MARK3: variants seen among roughly 807,000 people sequenced by gnomAD.
MARK3 encodes the protein microtubule affinity regulating kinase 3, also known as MAP/microtubule affinity-regulating kinase 3.
Under a neutral mutation model 90.1 loss-of-function variants are expected in MARK3, and 46 were observed. That is an observed-to-expected ratio of 0.51 (90% CI 0.40 to 0.65). MARK3 has a LOEUF of 0.65. MARK3 is among the 30% of genes least tolerant of loss of function. The probability of loss-of-function intolerance (pLI) is 0.00; values close to 1 mark genes in which losing one functional copy is unlikely to be tolerated. For synonymous variants in MARK3, 321 were observed against 332.6 expected, an observed-to-expected ratio of 0.97 and a Z score of 0.38; for missense variants, 818 against 947.2, an observed-to-expected ratio of 0.86 and a Z score of 1.79.
intron 12 of MARK3, among the ~76,000 whole-genome samples, chr14:103,470,472 T>TTTTTTTTTTTTTTTTTTTTA (rs1595836589): frequency 7.3e-6 from 1 of 137,232 alleles, no homozygotes; most frequent in African/African-American, 2.6e-5. Context: ...TTTTTTTTTT[T>TTTTTTTTTTTTTTTTTTTTA]GAGATGGAGT....
intron 2 of MARK3, among the ~76,000 whole-genome samples, chr14:103,418,743 ATAGAG>A (rs2092070195): frequency 6.6e-6 from 1 of 152,222 alleles, no homozygotes; most frequent in African/African-American, 2.4e-5. Flanking sequence ...AGTTTGGAGA[ATAGAG>A]AAGAAAAACC....
At chr14:103,466,204 A>G in intron 9 of MARK3, 113 bp downstream of exon 9, 1 of 1,393,852 alleles carries the variant, frequency 7.2e-7, no homozygotes, top group South Asian at 1.3e-5. Flanking sequence ...TTTAAGCAAG[A>G]ATTGAAACAT....
At chr14:103,425,118 T>C (rs1216369818) in intron 2 of MARK3, among the ~76,000 whole-genome samples, 1 of 151,972 alleles carries the variant, frequency 6.6e-6, no homozygotes, top group African/African-American at 2.4e-5. Context: ...TTTTTTGTAT[T>C]TTTAGTAGAG....
At chr14:103,432,424 A>G (rs1175743134) in intron 3 of MARK3, among the ~76,000 whole-genome samples, 1 of 152,108 alleles carries the variant, frequency 6.6e-6, no homozygotes. Context: ...ACCCACCTCA[A>G]TCTTCCTCCC....
chr14:103,412,834 A>G (rs777605292), intron 2 of MARK3: 6 of 340,638 alleles, frequency 1.8e-5, no homozygotes, highest in Admixed American at 4.1e-5. Flanking sequence ...TTGGGAGGAA[A>G]TTGATATTTT....
At chr14:103,446,704 T>C (rs1011801559) in intron 3 of MARK3, among the ~76,000 whole-genome samples, 3 of 125,812 alleles carry the variant, frequency 2.4e-5, no homozygotes, top group African/African-American at 8.3e-5. Context: ...AAGTGGAGAT[T>C]GTTGTCTTTT....
chr14:103,401,702 A>G (rs1266100147), intron 1 of MARK3, among the ~76,000 whole-genome samples: 1 of 152,210 alleles, frequency 6.6e-6, no homozygotes, highest in African/African-American at 2.4e-5. Context: ...AAGGGAAGGG[A>G]GTGCAGTCCT....
intron 1 of MARK3, among the ~76,000 whole-genome samples, chr14:103,398,197 G>A (rs2090711109): frequency 6.6e-6 from 1 of 152,142 alleles, no homozygotes; most frequent in South Asian, 2.1e-4. Flanking sequence ...CCCTTATGGA[G>A]CAATGTAAGA....
intron 1 of MARK3, among the ~76,000 whole-genome samples, chr14:103,390,339 CAAAGGCTGCT>C (rs1356948053): frequency 7.2e-5 from 11 of 152,188 alleles, no homozygotes; most frequent in Non-Finnish European, 1.6e-4. Flanking sequence ...AGAGAGGTGA[CAAAGGCTGCT>C]AGTAATGACA....
At position 103,436,430 on chromosome 14, in the gene MARK3, A is replaced by G. The variant is rs1483046331; in HGVS notation, c.297+7990A>G. 4.7e-5 allele frequency among the ~76,000 whole-genome samples: 6 copies of G among 128,416 alleles called. No homozygotes were observed. The South Asian group carries it at 7.4e-4, about 16-fold the overall frequency. 84.2% of individuals were successfully genotyped at this position (128,416 alleles called of 152,430 possible). On this transcript the variant is annotated intron_variant, in intron 3 of 17. Coordinates refer to ENST00000429436, the MANE Select transcript of MARK3 (RefSeq NM_001128918.3). ...CTTTCTTTTTTTTTTTTTTCCAACT[A>G]TCTTTCTCTTTCATTTTCTTATATT...
At chr14:103,458,172 C>A (rs140648395) in intron 6 of MARK3, among the ~76,000 whole-genome samples, 1 of 152,108 alleles carries the variant, frequency 6.6e-6, no homozygotes. Flanking sequence ...TAGAAGCAGT[C>A]GTAGGCTGGG....
chr14:103,400,940 A>G (rs986236958), intron 1 of MARK3, among the ~76,000 whole-genome samples: 3 of 67,810 alleles, frequency 4.4e-5, no homozygotes, highest in South Asian at 7.7e-4. Context: ...ATTATATAAC[A>G]TTTTGTGTGT....
At chr14:103,482,015 C>T (rs1189135084) in intron 14 of MARK3, among the ~76,000 whole-genome samples, 3 of 151,106 alleles carry the variant, frequency 2.0e-5, no homozygotes, top group Admixed American at 6.6e-5. Flanking sequence ...ATCCACCCAC[C>T]TCGGCCTCCC....
intron 2 of MARK3, among the ~76,000 whole-genome samples, chr14:103,416,889 A>G (rs1566803976): frequency 6.6e-6 from 1 of 152,236 alleles, no homozygotes; most frequent in African/African-American, 2.4e-5. Flanking sequence ...TTCTGAGTGC[A>G]AACTGTTTTT....
At chr14:103,434,291 C>T (rs1169479380) in intron 3 of MARK3, among the ~76,000 whole-genome samples, 3 of 152,170 alleles carry the variant, frequency 2.0e-5, no homozygotes, top group East Asian at 3.8e-4. Flanking sequence ...ATACCCAAAT[C>T]GCAACGAGAA....
chr14:103,491,324 G>T, intron 14 of MARK3: 1 of 217,338 alleles, frequency 4.6e-6, no homozygotes, highest in Non-Finnish European at 9.2e-6. Context: ...AGAAGTTCCT[G>T]CTCCTCCCAA....
intron 1 of MARK3, among the ~76,000 whole-genome samples, chr14:103,389,943 CAAAAAAAAA>C (rs71126011): frequency 1.4e-4 from 4 of 29,608 alleles, no homozygotes; most frequent in Admixed American, 1.1e-3. Context: ...TACTCCGTCT[CAAAAAAAAA>C]AAAAAAAAAA....
At chr14:103,470,453 C>CTTTTTTTTTTTTTTTTTTTTTTTTTTTT (rs1555396272) in intron 12 of MARK3, among the ~76,000 whole-genome samples, 3 of 24,176 alleles carry the variant, frequency 1.2e-4, no homozygotes, top group Non-Finnish European at 1.7e-4. Context: ...GGAACTAAAT[C>CTTTTTTTTTTTTTTTTTTTTTTTTTTTT]TATTTTTTTT....
At chr14:103,471,897 G>A (rs1321778765) in intron 12 of MARK3, among the ~76,000 whole-genome samples, 1 of 152,130 alleles carries the variant, frequency 6.6e-6, no homozygotes, top group Non-Finnish European at 1.5e-5. Context: ...ATACAAGGAT[G>A]AATTCTAATT....
Sources: gnomAD v4.1 joint callset for allele counts (sites outside exome capture counted in the v4.1 genomes callset) on GRCh38, gnomAD v4.1.1 for gene constraint, MANE v1.5 for transcripts, NCBI Gene and HGNC (gene_info 2026-07-23, HGNC 2026-07-21) for gene names.